Variants in OSCAR observed in about 807,000 individuals in gnomAD.
OSCAR encodes osteoclast associated Ig-like receptor, also known as osteoclast-associated immunoglobulin-like receptor.
OSCAR carries 25 observed loss-of-function variants against 27.3 expected under a neutral mutation model. The observed-to-expected ratio is 0.92, with a 90% CI of 0.67 to 1.28. OSCAR has a LOEUF of 1.28. Ranked by LOEUF, OSCAR falls within the 50% of genes most tolerant of loss-of-function variation. OSCAR has a pLI of 0.00. For missense variants in OSCAR, 354 were observed against 355.1 expected, an observed-to-expected ratio of 1.00 and a Z score of 0.03; for synonymous variants, 158 against 165.7, an observed-to-expected ratio of 0.95 and a Z score of 0.36.
At chr19:54,098,588 G>A (rs1441842306) in intron 2 of OSCAR, among the ~76,000 whole-genome samples, 1 of 151,946 alleles carries the variant, frequency 6.6e-6, no homozygotes, top group African/African-American at 2.4e-5. Flanking sequence ...GGAGGCTGAG[G>A]CTGGAGGATT....
chr19:54,097,312 G>A (rs1230524994), intron 2 of OSCAR, 148 bp from the exon 3 acceptor site: 1 of 818,864 alleles, frequency 1.2e-6, no homozygotes, highest in African/African-American at 1.7e-5. Context: ...GGAGAGACTG[G>A]ACTACAATCA....
rs1555783356 is a variant in OSCAR at position 54,099,244 on chromosome 19, T to TTTTTTTTTGTTTTTG, written c.70+503_70+504insCAAAAACAAAAAAAA. Among the ~76,000 whole-genome samples the TTTTTTTTTGTTTTTG allele has an allele frequency of 7.4e-4, 99 of 133,250 alleles. 1 individual carries two copies. The highest frequency in any genetic ancestry group is 9.9e-4 in the Non-Finnish European group (62 of 62,636). 87.4% of individuals were successfully genotyped at this position (133,250 alleles called of 152,430 possible). ...CACCCGGCTAATTTTTTTTTTTTTT[T>TTTTTTTTTGTTTTTG]TTTTTTTTTAGTAGAGACGGGGTTT... On this transcript the variant is annotated intron_variant, in intron 2 of 4. Transcript: ENST00000358375.
At chr19:54,096,396 CT>C (rs2072709656) in intron 3 of OSCAR, among the ~76,000 whole-genome samples, 1 of 137,884 alleles carries the variant, frequency 7.3e-6, no homozygotes, top group Non-Finnish European at 1.6e-5. Context: ...CTCTCTCTGC[CT>C]CCCTCTCTCT....
Position 54,097,029 on chromosome 19 carries a change from T to C in OSCAR, c.206A>G (p.Glu69Gly). 3.7e-6 allele frequency: 6 copies of C among 1,614,138 alleles called. No homozygotes were observed. The highest frequency in any genetic ancestry group is 5.1e-6 in the Non-Finnish European group (6 of 1,180,018). Residue 69 changes from glutamate to glycine, a missense_variant, in exon 3 of 5, where the codon GAG (glutamate) becomes GGG (glycine). Coordinates refer to ENST00000358375, the MANE Select transcript of OSCAR (RefSeq NM_133169.6). ...ATCCCGGAAGAGAAGGGGAGCGATC[T>C]CTCCAGGCTTGAAAAGTCCAAATCT... ...AWRFGLFKPG[E>G]IAPLLFRDVS...
chr19:54,098,970 GA>G (rs1490043651), intron 2 of OSCAR, among the ~76,000 whole-genome samples: 1 of 151,944 alleles, frequency 6.6e-6, no homozygotes, highest in East Asian at 1.9e-4. Context: ...GCGACAGAGA[GA>G]AACTGGTCTC....
intron 3 of OSCAR, among the ~76,000 whole-genome samples, 158 bp downstream of exon 3, chr19:54,096,704 T>TGTCTCTCTCTCTCTGCTCCC (rs2072748485): frequency 6.8e-6 from 1 of 147,988 alleles, no homozygotes; most frequent in Non-Finnish European, 1.5e-5. Context: ...TCTGCTCCCC[T>TGTCTCTCTCTCTCTGCTCCC]GTCTCTCTCT....
Position 54,099,244 on chromosome 19 carries a change from T to TTTG in OSCAR, c.70+503_70+504insCAA, listed in dbSNP as rs1555783353. 1.6e-3 allele frequency among the ~76,000 whole-genome samples: 209 copies of TTTG among 133,260 alleles called. 9 individuals are homozygous for TTTG. In the East Asian group the frequency reaches 0.035, roughly 22 times the overall value. 87.4% of individuals were successfully genotyped at this position (133,260 alleles called of 152,430 possible). On this transcript the variant is annotated intron_variant, in intron 2 of 4. Coordinates refer to ENST00000358375, the MANE Select transcript of OSCAR (RefSeq NM_133169.6). ...CACCCGGCTAATTTTTTTTTTTTTT[T>TTTG]TTTTTTTTTAGTAGAGACGGGGTTT... is the stretch of plus-strand genomic sequence containing the variant.
At position 54,097,151 on chromosome 19, in the gene OSCAR, T is replaced by A; in HGVS notation, c.84A>T (p.Ser28=). Residue 28 remains serine (S), a synonymous_variant, in exon 3 of 5, where the codon TCA becomes TCT. Coordinates refer to ENST00000358375, the MANE Select transcript of OSCAR (RefSeq NM_133169.6). ...TDITPSVPPA[S]YHPKPWLGAQ... ...CTCCCAGCCATGGCTTAGGGTGGTA[T>A]GAAGCTGGGGGGACTGAATAAACGG... The A allele has an allele frequency of 6.2e-7, 1 of 1,613,750 alleles. No homozygotes were observed. The highest frequency in any genetic ancestry group is 8.5e-7 in the Non-Finnish European group (1 of 1,179,784).
chr19:54,097,275 G>A, intron 2 of OSCAR, 111 bp from the exon 3 acceptor site: 1 of 1,126,794 alleles, frequency 8.9e-7, no homozygotes. Context: ...CCCTTTCTTA[G>A]CCTCAGTTTC....
chr19:54,097,576 C>CGCCCAGCCAGA (rs2072814479), intron 2 of OSCAR, among the ~76,000 whole-genome samples: 1 of 145,002 alleles, frequency 6.9e-6, no homozygotes, highest in African/African-American at 2.6e-5. Context: ...TGTGCCACCA[C>CGCCCAGCCAGA]ACCCAGACTT....
At chr19:54,098,873 C>T (rs2072884013) in intron 2 of OSCAR, among the ~76,000 whole-genome samples, 1 of 151,316 alleles carries the variant, frequency 6.6e-6, no homozygotes, top group South Asian at 2.1e-4. Context: ...GTAGTCCCAG[C>T]TACTCAGGAG....
intron 2 of OSCAR, among the ~76,000 whole-genome samples, 176 bp from the exon 3 acceptor site, chr19:54,097,340 G>T (rs1345686288): frequency 6.6e-6 from 1 of 152,102 alleles, no homozygotes; most frequent in Non-Finnish European, 1.5e-5. Context: ...TTAAAACCAG[G>T]TGCAAATCAG....
intron 2 of OSCAR, 197 bp downstream of exon 2, chr19:54,099,551 A>T: frequency 6.5e-7 from 1 of 1,531,510 alleles, no homozygotes; most frequent in Non-Finnish European, 9.0e-7. Flanking sequence ...GTCCTAGCTT[A>T]GGCCTCTGCC....
chr19:54,098,487 C>G (rs1225865481), intron 2 of OSCAR, among the ~76,000 whole-genome samples: 1 of 152,060 alleles, frequency 6.6e-6, no homozygotes, highest in African/African-American at 2.4e-5. Context: ...TTACTTGAAC[C>G]CTAGAGTCGG....
intron 3 of OSCAR, among the ~76,000 whole-genome samples, chr19:54,096,383 CCTCTCTCTCTGCCTCCCT>C (rs2072708532): frequency 1.9e-4 from 23 of 121,230 alleles, no homozygotes; most frequent in African/African-American, 7.4e-4. Context: ...TCTCTGCCTC[CCTCTCTCTCTGCCTCCCT>C]CTCTCTCTGC....
chr19:54,095,468 T>C, intron 4 of OSCAR, 111 bp from the exon 5 acceptor site: 1 of 1,458,942 alleles, frequency 6.9e-7, no homozygotes, highest in Non-Finnish European at 9.0e-7. Flanking sequence ...GACTCTACAG[T>C]CTCAAAGTTG....
intron 1 of OSCAR, 95 bp downstream of exon 1, chr19:54,100,661 G>T (rs2072999735): frequency 1.5e-6 from 2 of 1,327,548 alleles, no homozygotes; most frequent in African/African-American, 1.5e-5. Context: ...CAAACCTGCT[G>T]CCTGGTCCCC....
At position 54,095,246 on chromosome 19, in the gene OSCAR, C is replaced by T. The variant is rs768264740; in HGVS notation, c.767G>A (p.Arg256His). 2.5e-6 allele frequency: 4 copies of T among 1,611,256 alleles called. No individual in the cohort carries two copies. Among genetic ancestry groups the T allele is most frequent in the African/African-American group, 1.3e-5 (1 of 74,860 alleles). Residue 256 changes from arginine to histidine, a missense_variant, in exon 5 of 5, where the codon CGC becomes CAC. Transcript: ENST00000358375. ...TCAGGGGCGGATACCAGCAGGAGCGCGGTTCTGACTGCGCCAGTCAAAAGT... is the reference window on the plus strand; with the variant it reads ...TCAGGGGCGGATACCAGCAGGAGCGTGGTTCTGACTGCGCCAGTCAAAAGT... ...LVTFDWRSQN[R>H]APAGIRP is the part of the protein sequence containing the mutation.
chr19:54,096,308 CT>C, intron 3 of OSCAR, among the ~76,000 whole-genome samples, 155 bp from the exon 4 acceptor site: 1 of 150,466 alleles, frequency 6.6e-6, no homozygotes, highest in Non-Finnish European at 1.5e-5. Context: ...CTGTCTGCCT[CT>C]CTCTCTGCCT....
Sources: gnomAD v4.1 joint callset for allele counts (sites outside exome capture counted in the v4.1 genomes callset) on GRCh38, gnomAD v4.1.1 for gene constraint, MANE v1.5 for transcripts, NCBI Gene and HGNC (gene_info 2026-07-23, HGNC 2026-07-21) for gene names.